HSPA4: variants seen among roughly 807,000 people sequenced by gnomAD.
HSPA4 encodes heat shock 70 kDa protein 4.
HSPA4 carries 25 observed loss-of-function variants against 106.2 expected under a neutral mutation model. The observed-to-expected ratio is 0.24, with a 90% CI of 0.17 to 0.33. HSPA4 has a LOEUF of 0.33. Among genes scored for constraint, HSPA4 ranks in the 10% least tolerant of loss-of-function variants. The pLI, the probability that HSPA4 is intolerant of heterozygous loss-of-function variation, is 1.00. For synonymous variants in HSPA4, 332 were observed against 333.6 expected (o/e 1.00, Z 0.05); for missense variants, 841 against 996.0 (o/e 0.84, Z 2.10).
intron 14 of HSPA4, among the ~76,000 whole-genome samples, chr5:133,096,496 G>A (rs1175274541): frequency 6.6e-6 from 1 of 152,190 alleles, no homozygotes; most frequent in Non-Finnish European, 1.5e-5. Context: ...GACATATAAT[G>A]TCTTTGGTGT....
At chr5:133,073,057 A>G (rs1422541187) in intron 4 of HSPA4, among the ~76,000 whole-genome samples, 173 bp from the exon 5 acceptor site, 3 of 152,136 alleles carry the variant, frequency 2.0e-5, no homozygotes, top group Non-Finnish European at 2.9e-5. Context: ...TGGTACGGCT[A>G]TTTGTTTATC....
chr5:133,079,377 T>G (rs1436217107), intron 7 of HSPA4, among the ~76,000 whole-genome samples: 1 of 152,262 alleles, frequency 6.6e-6, no homozygotes, highest in Non-Finnish European at 1.5e-5. Flanking sequence ...ATATTTCATA[T>G]AAGTGTAATC....
Position 133,092,809 on chromosome 5 carries a change from T to C in HSPA4, c.1650+20T>C. The C allele has an allele frequency of 7.9e-6, 1 of 126,170 alleles. No individual in the cohort carries two copies. Among genetic ancestry groups the C allele is most frequent in the Non-Finnish European group, 1.0e-5 (1 of 96,230 alleles). The allele number at this position is 126,170 out of a possible 1,614,324, so 7.8% of individuals were successfully genotyped here. A position where few individuals can be genotyped will look rare whatever the true frequency, so the allele number is the denominator to read the frequency against. Reference sequence around the variant, plus strand: ...ATGGAGGTATGCATTGGGTGGTGTTTTTTTTTTTTTTTTTTTTTTTTTTTT... The same window carrying C: ...ATGGAGGTATGCATTGGGTGGTGTTCTTTTTTTTTTTTTTTTTTTTTTTTT... On this transcript the variant is annotated intron_variant, in intron 13 of 18. Transcript: ENST00000304858.
At chr5:133,088,216 G>A (rs543232522) in intron 8 of HSPA4, among the ~76,000 whole-genome samples, 188 bp from the exon 9 acceptor site, 11 of 152,234 alleles carry the variant, frequency 7.2e-5, no homozygotes, top group South Asian at 6.2e-4. Flanking sequence ...ATTATTTTGA[G>A]AATTAAAACA....
Position 133,093,192 on chromosome 5 carries a change from A to G in HSPA4, c.1650+403A>G, listed in dbSNP as rs562831345. Among the ~76,000 whole-genome samples, 6 of 152,072 alleles carry G rather than the reference A, an allele frequency of 3.9e-5. No homozygotes were observed. In the South Asian group the frequency reaches 1.2e-3, roughly 32 times the overall value. ...AAGTACATGGTTTTGGCTGAGGGGC[A>G]GTGTCTTGAAAGATAGTTATACTAG... On this transcript the variant is annotated intron_variant, in intron 13 of 18. Transcript: ENST00000304858.
chr5:133,103,772 T>C, intron 17 of HSPA4, 93 bp from the exon 18 acceptor site: 1 of 1,014,988 alleles, frequency 9.9e-7, no homozygotes, highest in Non-Finnish European at 1.5e-6. Flanking sequence ...TGAAAGATTA[T>C]AAGTTTTTGA....
rs1212974408 is a variant in HSPA4 at position 133,073,235 on chromosome 5, T to G, written c.435T>G (p.Pro145=). 5 of 1,580,650 alleles carry G rather than the reference T, an allele frequency of 3.2e-6. No individual in the cohort carries two copies. The African/African-American group carries it at 5.5e-5, about 17-fold the overall frequency. ...KPVVDCVVSV[P]CFYTDAERRS... ...ATTCTTTTTTTTTTTTGTAGGTTCC[T>G]TGTTTCTATACTGATGCAGAAAGAC... Residue 145 remains proline (P), a synonymous_variant, in exon 5 of 19, where the codon CCT becomes CCG. Coordinates refer to ENST00000304858, the MANE Select transcript of HSPA4 (RefSeq NM_002154.4).
At chr5:133,067,043 T>C (rs1765316308) in intron 2 of HSPA4, among the ~76,000 whole-genome samples, 1 of 152,196 alleles carries the variant, frequency 6.6e-6, no homozygotes, top group Admixed American at 6.5e-5. Context: ...ATTTATGTAT[T>C]GCTGAGTTGG....
chr5:133,060,050 T>C (rs1187357644), intron 1 of HSPA4, among the ~76,000 whole-genome samples: 1 of 147,684 alleles, frequency 6.8e-6, no homozygotes, highest in Non-Finnish European at 1.5e-5. Context: ...GCAAACTGAT[T>C]GTGGTATATC....
In HSPA4 at chr5:133,101,753, G is replaced by A. The variant is rs1247470739; in HGVS notation, c.2038-6G>A. Reference sequence around the variant, plus strand: ...CCGTATGAAGACTGTGTATTCTTCTGTTAAGAATCTAGGTCAACCTATTAA... The same window carrying A: ...CCGTATGAAGACTGTGTATTCTTCTATTAAGAATCTAGGTCAACCTATTAA... On this transcript the variant is annotated splice_polypyrimidine_tract_variant and splice_region_variant and intron_variant, in intron 16 of 18. Transcript: ENST00000304858. 2.7e-5 allele frequency: 43 copies of A among 1,605,762 alleles called. No homozygotes were observed. Among genetic ancestry groups the A allele is most frequent in the Non-Finnish European group, 3.6e-5 (42 of 1,177,560 alleles).
chr5:133,097,239 A>C lies in HSPA4; in HGVS notation c.1882A>C (p.Met628Leu). 1.2e-5 allele frequency: 19 copies of C among 1,613,246 alleles called. No individual in the cohort carries two copies. The highest frequency in any genetic ancestry group is 1.6e-5 in the Non-Finnish European group (19 of 1,179,324). ...KNAVEEYVYE[M>L]RDKLSGEYEK... ...CGCAGTGGAGGAATATGTGTATGAA[A>C]TGAGAGACAAGCTTAGTGGTGAATA... The change falls in exon 15 of 19, where the codon ATG becomes CTG. Residue 628 changes from methionine to leucine, a missense_variant. Physicochemically the swap from Met to Leu is conservative, Grantham distance 15. Around this residue, in one of 5 missense-constraint regions of HSPA4, gnomAD observed 328 missense variants for 372.2 expected, o/e 0.88. Transcript: ENST00000304858.
In HSPA4 at chr5:133,105,101, T is replaced by C. The variant is rs1765840735; in HGVS notation, c.*665T>C. 6.6e-6 allele frequency: 1 copy of C among 152,250 alleles called. No individual in the cohort carries two copies. Among genetic ancestry groups the C allele is most frequent in the African/African-American group, 2.4e-5 (1 of 41,464 alleles). 9.4% of individuals were successfully genotyped at this position (152,250 alleles called of 1,614,324 possible). Reference sequence around the variant, plus strand: ...CTGAGGGCTTTAAACCTGGAGGCTCTTCCTGAAAGTATGTTCATGAATACC... The same window carrying C: ...CTGAGGGCTTTAAACCTGGAGGCTCCTCCTGAAAGTATGTTCATGAATACC... On this transcript the variant is annotated 3_prime_UTR_variant, in exon 19 of 19. Coordinates refer to ENST00000304858, the MANE Select transcript of HSPA4 (RefSeq NM_002154.4).
At chr5:133,060,757 A>T (rs561972680) in intron 1 of HSPA4, among the ~76,000 whole-genome samples, 3 of 151,248 alleles carry the variant, frequency 2.0e-5, no homozygotes, top group African/African-American at 7.3e-5. Flanking sequence ...AAAATCCCAC[A>T]TCAATAGATA....
At chr5:133,098,736 G>A (rs957342312) in intron 15 of HSPA4, among the ~76,000 whole-genome samples, 1 of 151,690 alleles carries the variant, frequency 6.6e-6, no homozygotes, top group African/African-American at 2.4e-5. Flanking sequence ...ACAGTGGTAC[G>A]ATCTTGGCTC....
intron 2 of HSPA4, among the ~76,000 whole-genome samples, chr5:133,066,521 C>T (rs1765307248): frequency 6.6e-6 from 1 of 152,196 alleles, no homozygotes; most frequent in Non-Finnish European, 1.5e-5. Context: ...TTACCACCTT[C>T]TGAAAACTTT....
At position 133,104,827 on chromosome 5, in the gene HSPA4, G is replaced by A. The variant is rs1417702967; in HGVS notation, c.*391G>A. 3 of 201,312 alleles carry A rather than the reference G, an allele frequency of 1.5e-5. No individual in the cohort carries two copies. Among genetic ancestry groups the A allele is most frequent in the African/African-American group, 7.1e-5 (3 of 42,042 alleles). The allele number at this position is 201,312 out of a possible 1,614,324, so 12.5% of individuals were successfully genotyped here. A position where few individuals can be genotyped will look rare whatever the true frequency, so the allele number is the denominator to read the frequency against. The stretch of plus-strand genomic sequence containing the variant: ...AGCTCTAATTATGCTTTAAAAATCT[G>A]TTGTGGAGATTGCTTTAAATGCTCC... On this transcript the variant is annotated 3_prime_UTR_variant, in exon 19 of 19. Coordinates refer to ENST00000304858, the MANE Select transcript of HSPA4 (RefSeq NM_002154.4).
At chr5:133,101,358 G>A (rs1324643208) in intron 16 of HSPA4, among the ~76,000 whole-genome samples, 27 of 152,122 alleles carry the variant, frequency 1.8e-4, no homozygotes, top group Non-Finnish European at 1.2e-4. Flanking sequence ...TCACCTCCCT[G>A]GTGGTATTTA....
intron 8 of HSPA4, 131 bp from the exon 9 acceptor site, chr5:133,088,273 G>C (rs1342891399): frequency 3.1e-6 from 2 of 646,570 alleles, no homozygotes; most frequent in Non-Finnish European, 5.5e-6. Flanking sequence ...GTGGGCATGA[G>C]TATGTGTGTG....
intron 16 of HSPA4, among the ~76,000 whole-genome samples, chr5:133,100,020 T>A (rs1581482486): frequency 6.6e-6 from 1 of 152,054 alleles, no homozygotes; most frequent in East Asian, 1.9e-4. Flanking sequence ...GCAAAGCATC[T>A]GGTGGTTTAT....
Sources: allele counts gnomAD v4.1 joint callset (sites outside exome capture counted in the v4.1 genomes callset), GRCh38; gene constraint gnomAD v4.1.1; regional missense constraint gnomAD v4.1.1; transcripts MANE v1.5; gene names NCBI Gene and HGNC (gene_info 2026-07-23, HGNC 2026-07-21).